The following NDST3 variants were observed in gnomAD, a reference collection of about 807,000 sequenced individuals.
NDST3 encodes the protein bifunctional heparan sulfate N-deacetylase/N-sulfotransferase 3.
NDST3 carries 58 observed loss-of-function variants against 96.1 expected under a neutral mutation model. That is an observed-to-expected ratio of 0.60 (90% CI 0.49 to 0.75). The LOEUF is 0.75. Among genes scored for constraint, NDST3 ranks in the 30% least tolerant of loss-of-function variants. The pLI is 0.00. For synonymous variants in NDST3, 333 were observed against 359.7 expected (o/e 0.93, Z 0.84); for missense variants, 788 against 1,034.2 (o/e 0.76, Z 3.27).
intron 8 of NDST3, among the ~76,000 whole-genome samples, chr4:118,228,418 G>C (rs1740050798): frequency 6.6e-6 from 1 of 152,128 alleles, no homozygotes; most frequent in Non-Finnish European, 1.5e-5. Flanking sequence ...TGTTGTGCTG[G>C]ATATGCAGAC....
At chr4:118,054,951 A>G (rs777773194) in intron 2 of NDST3, 60 bp downstream of exon 2, 11 of 1,593,292 alleles carry the variant, frequency 6.9e-6, no homozygotes, top group Non-Finnish European at 9.4e-6. Flanking sequence ...GGATACAACT[A>G]TCCCAGTTTG....
chr4:118,145,710 A>G (rs1733889880), intron 6 of NDST3, among the ~76,000 whole-genome samples: 1 of 152,232 alleles, frequency 6.6e-6, no homozygotes, highest in African/African-American at 2.4e-5. Flanking sequence ...GAGGAGATTC[A>G]TAAGAATAAA....
rs1413382194 is a variant in NDST3 at position 118,206,075 on chromosome 4, G to A, written c.1540-18416G>A. Among the ~76,000 whole-genome samples, 18 of 142,486 alleles carry A rather than the reference G, an allele frequency of 1.3e-4. 2 individuals carry two copies. Among genetic ancestry groups the A allele is most frequent in the Admixed American group, 8.4e-4 (12 of 14,360 alleles). 93.5% of individuals were successfully genotyped at this position (142,486 alleles called of 152,430 possible). On this transcript the variant is annotated intron_variant, in intron 6 of 13. Transcript: ENST00000296499. ...TCTCGATCTCCTGACCTCGTGATCC[G>A]CCCACCTCGGCCTCCCAAAGTTGGG...
intron 12 of NDST3, among the ~76,000 whole-genome samples, chr4:118,244,709 T>C (rs1450015174): frequency 1.3e-5 from 2 of 150,960 alleles, no homozygotes; most frequent in Non-Finnish European, 2.9e-5. Context: ...AATTTCAGCA[T>C]CAAAACTATT....
intron 2 of NDST3, among the ~76,000 whole-genome samples, chr4:118,104,150 T>G (rs1196993177): frequency 6.6e-6 from 1 of 152,126 alleles, no homozygotes; most frequent in Non-Finnish European, 1.5e-5. Flanking sequence ...TGTGATAGAG[T>G]AGAAGGAATG....
At chr4:118,075,256 C>A (rs1364197719) in intron 2 of NDST3, among the ~76,000 whole-genome samples, 1 of 152,128 alleles carries the variant, frequency 6.6e-6, no homozygotes, top group Non-Finnish European at 1.5e-5. Flanking sequence ...GCATAGTATT[C>A]CATGGTGTAT....
chr4:118,247,657 T>C (rs1033794167), intron 12 of NDST3, among the ~76,000 whole-genome samples: 8 of 152,182 alleles, frequency 5.3e-5, no homozygotes, highest in Admixed American at 2.0e-4. Context: ...GGAAGGATAG[T>C]GGAAATGTTC....
chr4:118,138,178 A>C lies in NDST3; in HGVS notation c.1349A>C (p.Glu450Ala). 1 of 1,614,046 alleles carries C rather than the reference A, an allele frequency of 6.2e-7. No individual in the cohort carries two copies. The highest frequency in any genetic ancestry group is 8.5e-7 in the Non-Finnish European group (1 of 1,179,952). The change falls in exon 5 of 14, where the codon GAA becomes GCA. Residue 450 changes from glutamate to alanine, a missense_variant. Around this residue, in one of 3 missense-constraint regions of NDST3, gnomAD observed 490 missense variants for 708.8 expected, o/e 0.69. Coordinates refer to ENST00000296499, the MANE Select transcript of NDST3 (RefSeq NM_004784.3). Reference protein sequence around the residue: ...KVWNIKITSTEEYPHLKPARY... With the variant: ...KVWNIKITSTAEYPHLKPARY... ...TGGAATATTAAAATCACCAGCACTG[A>C]AGAATATCCACATCTGAAGCCAGCT...
chr4:118,151,244 G>T (rs1316269740), intron 6 of NDST3, among the ~76,000 whole-genome samples: 1 of 152,166 alleles, frequency 6.6e-6, no homozygotes, highest in Admixed American at 6.5e-5. Context: ...TTGTGGGGTG[G>T]AGTGAGAGGG....
At chr4:118,188,102 C>T (rs1469922757) in intron 6 of NDST3, among the ~76,000 whole-genome samples, 1 of 151,982 alleles carries the variant, frequency 6.6e-6, no homozygotes, top group African/African-American at 2.4e-5. Flanking sequence ...AGAAAACATA[C>T]ATTGAAAATG....
At chr4:118,093,230 A>G (rs1268897322) in intron 2 of NDST3, among the ~76,000 whole-genome samples, 1 of 151,852 alleles carries the variant, frequency 6.6e-6, no homozygotes, top group African/African-American at 2.4e-5. Context: ...AATTTTTTAT[A>G]CATATGTTTA....
At chr4:118,193,475 G>T in intron 6 of NDST3, 1 of 773,746 alleles carries the variant, frequency 1.3e-6, no homozygotes, top group Non-Finnish European at 2.2e-6. Context: ...CTCTGTGTCA[G>T]TGAGATTGTC....
At chr4:118,243,478 G>A (rs992769033) in intron 12 of NDST3, among the ~76,000 whole-genome samples, 2 of 152,112 alleles carry the variant, frequency 1.3e-5, no homozygotes, top group Non-Finnish European at 2.9e-5. Flanking sequence ...TATACTATGA[G>A]TACTGTCAGA....
intron 6 of NDST3, among the ~76,000 whole-genome samples, chr4:118,201,702 T>C (rs796364601): frequency 2.0e-5 from 3 of 152,220 alleles, no homozygotes; most frequent in Non-Finnish European, 4.4e-5. Flanking sequence ...GTTGGATGCA[T>C]AGTTTGCAGA....
chr4:118,229,036 C>T (rs1740095974), intron 8 of NDST3, among the ~76,000 whole-genome samples: 1 of 151,892 alleles, frequency 6.6e-6, no homozygotes, highest in Non-Finnish European at 1.5e-5. Context: ...CGTGGTGGCT[C>T]ATGCCTGTAA....
intron 6 of NDST3, among the ~76,000 whole-genome samples, chr4:118,155,845 A>G (rs1734678160): frequency 1.3e-5 from 2 of 152,192 alleles, no homozygotes; most frequent in African/African-American, 4.8e-5. Flanking sequence ...TTTGACCTCC[A>G]TAGTTAAGAA....
chr4:118,210,968 C>G (rs1738752613), intron 6 of NDST3, among the ~76,000 whole-genome samples: 1 of 152,084 alleles, frequency 6.6e-6, no homozygotes, highest in Non-Finnish European at 1.5e-5. Context: ...CCTTTTCACT[C>G]CTTCATCTCC....
chr4:118,222,336 G>A (rs1023281541), intron 6 of NDST3, among the ~76,000 whole-genome samples: 7 of 151,834 alleles, frequency 4.6e-5, no homozygotes, highest in Admixed American at 1.3e-4. Flanking sequence ...CAAAGAAAGA[G>A]AGGTTACATG....
chr4:118,240,574 A>G lies in NDST3; in HGVS notation c.2169A>G (p.Glu723=), dbSNP rs1266948804. ...DPAALKFSFY[E]VISAGPRAPS... ...CAGCTCTGAAGTTTAGCTTCTACGA[A>G]GTGATCTCAGCAGGGCCCCGTGCAC... The change falls in exon 11 of 14, where the codon GAA becomes GAG. Residue 723 remains glutamate (E), a synonymous_variant. Transcript: ENST00000296499. The G allele has an allele frequency of 6.2e-7, 1 of 1,613,728 alleles. No homozygotes were observed. Among genetic ancestry groups the G allele is most frequent in the Non-Finnish European group, 8.5e-7 (1 of 1,179,816 alleles).
Sources: gnomAD v4.1 joint callset for allele counts (sites outside exome capture counted in the v4.1 genomes callset) on GRCh38, gnomAD v4.1.1 for gene constraint, gnomAD v4.1.1 regional missense constraint, MANE v1.5 for transcripts, NCBI Gene and HGNC (gene_info 2026-07-23, HGNC 2026-07-21) for gene names.